Variants in DMD observed in about 807,000 individuals in gnomAD.
DMD encodes the protein mutant dystrophin.
A neutral mutation model predicts 330.1 loss-of-function variants in DMD; 63 were observed. The ratio of observed to expected loss-of-function variants is 0.19; its 90% CI spans 0.16 to 0.24. The LOEUF (loss-of-function observed/expected upper bound fraction) is 0.24. DMD is among the 10% of genes least tolerant of loss of function. The pLI, the probability that DMD is intolerant of heterozygous loss-of-function variation, is 1.00. For synonymous variants in DMD, 1,223 were observed against 959.8 expected (o/e 1.27, Z -5.07); for missense variants, 3,344 against 2,684.1 (o/e 1.25, Z -5.43).
intron 1 of DMD, among the ~76,000 whole-genome samples, chrX:33,051,092 C>T (rs1202286150): frequency 8.9e-6 from 1 of 111,938 alleles, no homozygotes; most frequent in African/African-American, 3.2e-5. Context: ...AAGTAACGTA[C>T]CCTTTAAATA....
intron 1 of DMD, among the ~76,000 whole-genome samples, chrX:33,245,226 T>C (rs2052646679): frequency 9.1e-6 from 1 of 110,265 alleles, no homozygotes; most frequent in African/African-American, 3.3e-5. Context: ...TAGTTTATTA[T>C]ACATTGTACT....
intron 2 of DMD, among the ~76,000 whole-genome samples, chrX:32,857,751 T>C (rs1806619998): frequency 9.0e-6 from 1 of 111,331 alleles, no homozygotes; most frequent in Non-Finnish European, 1.9e-5. Flanking sequence ...GAATAAAACA[T>C]GAATCCCAAA....
chrX:32,913,251 G>C (rs1339093851), intron 2 of DMD, among the ~76,000 whole-genome samples: 1 of 111,880 alleles, frequency 8.9e-6, no homozygotes, highest in East Asian at 2.8e-4. Flanking sequence ...TGAAGAAACA[G>C]TTTTCCTGCC....
At chrX:33,034,897 T>C (rs1482769064) in intron 1 of DMD, among the ~76,000 whole-genome samples, 2 of 112,258 alleles carry the variant, frequency 1.8e-5, no homozygotes, top group Admixed American at 1.9e-4. Flanking sequence ...CCATTATCTT[T>C]ATATGGCATA....
chrX:32,070,115 G>A (rs1466817458), intron 44 of DMD, among the ~76,000 whole-genome samples: 1 of 110,853 alleles, frequency 9.0e-6, no homozygotes, highest in Non-Finnish European at 1.9e-5. Context: ...GTGTAATCTG[G>A]AGCAGATAAA....
chrX:32,975,567 G>C (rs2092525569), intron 2 of DMD, among the ~76,000 whole-genome samples: 1 of 110,053 alleles, frequency 9.1e-6, no homozygotes, highest in African/African-American at 3.3e-5. Context: ...TCTATTTCAA[G>C]CATCTCTGGC....
chrX:33,234,283 T>C (rs187459847), intron 1 of DMD, among the ~76,000 whole-genome samples: 1 of 112,111 alleles, frequency 8.9e-6, no homozygotes, highest in Non-Finnish European at 1.9e-5. Flanking sequence ...TCATATGGTC[T>C]TGTAAAATAG....
At chrX:32,985,431 G>A (rs191684443) in intron 2 of DMD, among the ~76,000 whole-genome samples, 36 of 111,436 alleles carry the variant, frequency 3.2e-4, no homozygotes, top group Admixed American at 1.1e-3. Flanking sequence ...ACCACAAATT[G>A]CTATAGTTAA....
intron 51 of DMD, among the ~76,000 whole-genome samples, chrX:31,733,887 T>C (rs1418223363): frequency 2.7e-5 from 3 of 111,480 alleles, no homozygotes; most frequent in African/African-American, 9.7e-5. Flanking sequence ...GATATTTTCC[T>C]ACTTGGTCAA....
At chrX:31,182,183 A>G (rs765137369) in intron 68 of DMD, among the ~76,000 whole-genome samples, 1 of 111,876 alleles carries the variant, frequency 8.9e-6, no homozygotes, top group Non-Finnish European at 1.9e-5. Context: ...GTTCACTGGG[A>G]TACTATACAA....
intron 42 of DMD, among the ~76,000 whole-genome samples, chrX:32,297,271 A>ATTTATTTATTAT (rs869187763): frequency 5.9e-4 from 53 of 89,809 alleles, no homozygotes; most frequent in African/African-American, 2.4e-3. Flanking sequence ...TTATTTATTT[A>ATTTATTTATTAT]TTATTTATTT....
At chrX:32,862,212 A>C (rs1377945304) in intron 2 of DMD, among the ~76,000 whole-genome samples, 2 of 112,322 alleles carry the variant, frequency 1.8e-5, no homozygotes, top group Non-Finnish European at 3.8e-5. Flanking sequence ...AGTGTTCAAG[A>C]GCAAAGCTAC....
At chrX:32,652,258 G>A (rs1294760313) in intron 9 of DMD, among the ~76,000 whole-genome samples, 1 of 107,154 alleles carries the variant, frequency 9.3e-6, no homozygotes, top group East Asian at 3.1e-4. Context: ...TTAACATCAG[G>A]TATATCTCCT....
intron 7 of DMD, among the ~76,000 whole-genome samples, chrX:32,702,100 G>T (rs1448220474): frequency 9.0e-6 from 1 of 111,652 alleles, no homozygotes; most frequent in Non-Finnish European, 1.9e-5. Context: ...TATATTCAAA[G>T]TATTTTAATG....
chrX:31,177,881 C>G (rs150818656), intron 71 of DMD, 51 bp downstream of exon 71: 2 of 1,047,517 alleles, frequency 1.9e-6, no homozygotes, highest in African/African-American at 3.7e-5. Context: ...GAGAACCAAG[C>G]GAGCGAATGT....
At chrX:33,035,443 G>T (rs1242314006) in intron 1 of DMD, among the ~76,000 whole-genome samples, 4 of 111,148 alleles carry the variant, frequency 3.6e-5, no homozygotes, top group Non-Finnish European at 5.7e-5. Context: ...CTATTTTTTT[G>T]TTGTTGTTAG....
intron 61 of DMD, among the ~76,000 whole-genome samples, chrX:31,339,269 G>C (rs1426123993): frequency 1.8e-5 from 2 of 111,679 alleles, no homozygotes; most frequent in African/African-American, 3.3e-5. Flanking sequence ...GTATACATTT[G>C]AGCTAAAGGA....
intron 7 of DMD, among the ~76,000 whole-genome samples, chrX:32,762,762 C>A (rs1423829466): frequency 9.0e-6 from 1 of 110,752 alleles, no homozygotes; most frequent in East Asian, 2.9e-4. Context: ...CAGGGTCTTG[C>A]TGGCTGCTTT....
At chrX:33,009,775 CACACATATGTGT>C in intron 2 of DMD, among the ~76,000 whole-genome samples, 1 of 37,281 alleles carries the variant, frequency 2.7e-5, no homozygotes, top group Non-Finnish European at 5.0e-5. Flanking sequence ...TGTGTATATA[CACACATATGTGT>C]ATATGTGTGT....
Sources: gnomAD v4.1 joint callset for allele counts (sites outside exome capture counted in the v4.1 genomes callset) on GRCh38, gnomAD v4.1.1 for gene constraint, MANE v1.5 for transcripts, NCBI Gene and HGNC (gene_info 2026-07-23, HGNC 2026-07-21) for gene names.